The following TEKT5 variants were observed in gnomAD, a reference collection of about 807,000 sequenced individuals.
TEKT5 encodes the protein tektin 5.
In TEKT5, 52 loss-of-function variants were observed where a neutral mutation model predicts 48.7. The observed-to-expected ratio is 1.07, with a 90% CI of 0.86 to 1.35. The LOEUF is 1.35. Ranked by LOEUF, TEKT5 falls within the 40% of genes most tolerant of loss-of-function variation. The pLI is 0.00. For missense variants in TEKT5, 831 were observed against 641.6 expected (o/e 1.30, Z -3.19); for synonymous variants, 318 against 267.6 (o/e 1.19, Z -1.84).
At position 10,689,330 on chromosome 16, in the gene TEKT5, T is replaced by C. The variant is rs780035782; in HGVS notation, c.649-7A>G. ...ATTTTAGCAAATCCACTTCCTGAAA[T>C]GAAAAATGTCAGAAAGAGCAGTGCC... On this transcript the variant is annotated splice_polypyrimidine_tract_variant and splice_region_variant and intron_variant, in intron 2 of 6. Coordinates refer to ENST00000283025, the MANE Select transcript of TEKT5 (RefSeq NM_144674.2). The C allele has an allele frequency of 6.2e-7, 1 of 1,612,156 alleles. No homozygotes were observed. Among genetic ancestry groups the C allele is most frequent in the South Asian group, 1.1e-5 (1 of 90,788 alleles).
At chr16:10,639,758 A>C (rs190609092) in intron 5 of TEKT5, among the ~76,000 whole-genome samples, 1 of 152,214 alleles carries the variant, frequency 6.6e-6, no homozygotes, top group Non-Finnish European at 1.5e-5. Flanking sequence ...TGTCTCCACT[A>C]ACACACCTCA....
intron 1 of TEKT5, chr16:10,690,522 T>A (rs1898952062): frequency 2.1e-6 from 2 of 968,458 alleles, no homozygotes; most frequent in South Asian, 4.8e-5. Flanking sequence ...TTGGTGCCTA[T>A]CTCACAGGTT....
At position 10,635,729 on chromosome 16, in the gene TEKT5, G is replaced by C. The variant is rs1340461441; in HGVS notation, c.1241+35C>G. 3 of 1,595,170 alleles carry C rather than the reference G, an allele frequency of 1.9e-6. No individual in the cohort carries two copies. In the Admixed American group the frequency reaches 5.1e-5, roughly 27 times the overall value. On this transcript the variant is annotated intron_variant, in intron 6 of 6. Coordinates refer to ENST00000283025, the MANE Select transcript of TEKT5 (RefSeq NM_144674.2). ...CCCCTTCCCGTTCCTGGATTCCCAGGGGTTCTCCTGCCTCCTCTGGCCTCC... is the reference window on the plus strand; with the variant it reads ...CCCCTTCCCGTTCCTGGATTCCCAGCGGTTCTCCTGCCTCCTCTGGCCTCC...
At chr16:10,659,679 A>C (rs1016064192) in intron 5 of TEKT5, among the ~76,000 whole-genome samples, 3 of 152,236 alleles carry the variant, frequency 2.0e-5, no homozygotes, top group Non-Finnish European at 4.4e-5. Context: ...CTTTAAAAAA[A>C]GTTTTAATAA....
At chr16:10,659,752 T>C (rs1474552546) in intron 5 of TEKT5, among the ~76,000 whole-genome samples, 4 of 152,180 alleles carry the variant, frequency 2.6e-5, no homozygotes, top group African/African-American at 4.8e-5. Flanking sequence ...ATGAAAGGCC[T>C]GTACGCTCAT....
At chr16:10,680,204 G>A (rs1898723067) in intron 4 of TEKT5, among the ~76,000 whole-genome samples, 1 of 152,250 alleles carries the variant, frequency 6.6e-6, no homozygotes, top group African/African-American at 2.4e-5. Flanking sequence ...TTGTCAGGAA[G>A]AGAAGGAAAG....
chr16:10,636,725 G>C (rs1257864715), intron 5 of TEKT5, among the ~76,000 whole-genome samples: 1 of 146,650 alleles, frequency 6.8e-6, no homozygotes, highest in Non-Finnish European at 1.5e-5. Flanking sequence ...GTGTGTGTGT[G>C]TATTCAAACA....
chr16:10,663,152 G>C (rs1262394126), intron 5 of TEKT5, among the ~76,000 whole-genome samples: 1 of 152,140 alleles, frequency 6.6e-6, no homozygotes, highest in Non-Finnish European at 1.5e-5. Flanking sequence ...GTCTGCCTCA[G>C]ATAAAACCAA....
intron 5 of TEKT5, among the ~76,000 whole-genome samples, chr16:10,657,161 T>C (rs926390819): frequency 5.3e-5 from 8 of 151,570 alleles, no homozygotes; most frequent in Non-Finnish European, 1.0e-4. Flanking sequence ...GTTTCACTCT[T>C]GTTGCCCAGG....
intron 5 of TEKT5, among the ~76,000 whole-genome samples, chr16:10,658,866 C>A (rs895389262): frequency 6.6e-6 from 1 of 152,024 alleles, no homozygotes; most frequent in Admixed American, 6.5e-5. Context: ...TACAGGCATG[C>A]GCCACCACAC....
intron 3 of TEKT5, among the ~76,000 whole-genome samples, chr16:10,686,399 G>A (rs1898862516): frequency 6.6e-6 from 1 of 151,820 alleles, no homozygotes; most frequent in South Asian, 2.1e-4. Context: ...GGAGGTTGCA[G>A]TGAGCTGAGA....
chr16:10,628,080 A>G (rs1166250703), intron 6 of TEKT5, among the ~76,000 whole-genome samples: 3 of 152,026 alleles, frequency 2.0e-5, no homozygotes, highest in Non-Finnish European at 4.4e-5. Context: ...TCCTGACCTC[A>G]GTTGATCCAC....
At chr16:10,662,987 ACCCACTCTCACC>A (rs1898399800) in intron 5 of TEKT5, among the ~76,000 whole-genome samples, 1 of 152,030 alleles carries the variant, frequency 6.6e-6, no homozygotes, top group East Asian at 1.9e-4. Flanking sequence ...AATTATGATC[ACCCACTCTCACC>A]CCCTGCAGAG....
At chr16:10,659,698 C>G (rs923200472) in intron 5 of TEKT5, among the ~76,000 whole-genome samples, 5 of 152,166 alleles carry the variant, frequency 3.3e-5, no homozygotes, top group African/African-American at 1.2e-4. Flanking sequence ...AAGGCAACCG[C>G]AGAGAAAACA....
intron 5 of TEKT5, among the ~76,000 whole-genome samples, chr16:10,656,043 T>C (rs1473414746): frequency 6.6e-6 from 1 of 152,220 alleles, no homozygotes; most frequent in African/African-American, 2.4e-5. Context: ...TCAGCACTAC[T>C]GACATTTTGA....
chr16:10,690,332 C>T (rs901038032), intron 1 of TEKT5, among the ~76,000 whole-genome samples: 9 of 152,200 alleles, frequency 5.9e-5, no homozygotes, highest in African/African-American at 2.2e-4. Flanking sequence ...AGCCTTCCCA[C>T]AATACAATAA....
At chr16:10,653,861 C>T (rs1369485341) in intron 5 of TEKT5, among the ~76,000 whole-genome samples, 2 of 152,056 alleles carry the variant, frequency 1.3e-5, no homozygotes, top group Non-Finnish European at 2.9e-5. Flanking sequence ...TGCAGTGAGC[C>T]GAGACCGAGC....
chr16:10,632,680 G>T (rs1897855182), intron 6 of TEKT5, among the ~76,000 whole-genome samples: 1 of 151,976 alleles, frequency 6.6e-6, no homozygotes, highest in African/African-American at 2.4e-5. Flanking sequence ...CAGGAGAAGA[G>T]AGACCACTTA....
rs567717955 is a variant in TEKT5, at chr16:10,689,639, T to C, written c.648+303A>G. Among the ~76,000 whole-genome samples, 33 of 151,412 alleles carry C rather than the reference T, an allele frequency of 2.2e-4. 1 individual carries two copies. The South Asian group carries it at 6.9e-3, about 32-fold the overall frequency. ...TATAGATTATCATTACATTAAATAA[T>C]GCATATGATGTGGTACAGCCTATGA... On this transcript the variant is annotated intron_variant, in intron 2 of 6. Coordinates refer to ENST00000283025, the MANE Select transcript of TEKT5 (RefSeq NM_144674.2).
Sources: gnomAD v4.1 joint callset for allele counts (sites outside exome capture counted in the v4.1 genomes callset) on GRCh38, gnomAD v4.1.1 for gene constraint, MANE v1.5 for transcripts, NCBI Gene and HGNC (gene_info 2026-07-23, HGNC 2026-07-21) for gene names.